SULT4A1: variants seen among roughly 807,000 people sequenced by gnomAD.
SULT4A1 encodes the protein sulfotransferase 4A1.
In SULT4A1, 11 loss-of-function variants were observed where a neutral mutation model predicts 35.2. The observed-to-expected ratio is 0.31, with a 90% confidence interval of 0.20 to 0.52. The LOEUF (loss-of-function observed/expected upper bound fraction) is 0.52, where lower values mean the gene tolerates loss of function less well. SULT4A1 is among the 20% of genes least tolerant of loss of function. The probability of loss-of-function intolerance (pLI) is 0.97; values close to 1 mark genes in which losing one functional copy is unlikely to be tolerated. For synonymous variants in SULT4A1, 152 were observed against 151.8 expected (o/e 1.00, Z -0.01); for missense variants, 271 against 383.7 (o/e 0.71, Z 2.45).
intron 6 of SULT4A1, among the ~76,000 whole-genome samples, chr22:43,828,254 T>C (rs1266565357): frequency 2.0e-5 from 3 of 152,238 alleles, no homozygotes; most frequent in African/African-American, 7.2e-5. Context: ...ATCAGGTTCA[T>C]ACTTACCAAC....
rs377182291 is a variant in SULT4A1 at position 43,826,815 on chromosome 22, CCT to C, written c.743-704_743-703del. The C allele has an allele frequency of 4.3e-5, 42 of 985,396 alleles. No homozygotes were observed. The African/African-American group carries it at 5.4e-4, about 13-fold the overall frequency. The allele number at this position is 985,396 out of a possible 1,614,324, so 61.0% of individuals were successfully genotyped here. ...AAAACATGCACTGCAGTGAGAATTC[CCT>C]GAGTCAACAATAAAATGAGTCTGGG... is the stretch of plus-strand genomic sequence containing the variant. On this transcript the variant is annotated intron_variant, in intron 6 of 6. Coordinates refer to ENST00000330884, the MANE Select transcript of SULT4A1 (RefSeq NM_014351.4).
chr22:43,838,067 C>T (rs1411619417), intron 4 of SULT4A1, among the ~76,000 whole-genome samples: 1 of 152,252 alleles, frequency 6.6e-6, no homozygotes, highest in African/African-American at 2.4e-5. Context: ...CCCAGGACCT[C>T]CCAAAGCCAT....
chr22:43,859,554 C>A (rs186412450), intron 1 of SULT4A1, among the ~76,000 whole-genome samples: 1 of 152,250 alleles, frequency 6.6e-6, no homozygotes, highest in Non-Finnish European at 1.5e-5. Context: ...CAAACCAACA[C>A]ACAGGGACAA....
At chr22:43,845,688 C>T (rs908444542) in intron 1 of SULT4A1, among the ~76,000 whole-genome samples, 1 of 152,160 alleles carries the variant, frequency 6.6e-6, no homozygotes, top group Non-Finnish European at 1.5e-5. Context: ...TGTTCCGAAC[C>T]GAGACGCACA....
intron 6 of SULT4A1, among the ~76,000 whole-genome samples, chr22:43,828,604 C>T (rs2063304371): frequency 1.3e-5 from 2 of 152,356 alleles, no homozygotes; most frequent in Non-Finnish European, 1.5e-5. Flanking sequence ...GGAAGAAAAA[C>T]GGTGTCTCCT....
At chr22:43,829,457 TA>T in intron 5 of SULT4A1, among the ~76,000 whole-genome samples, 1 of 152,346 alleles carries the variant, frequency 6.6e-6, no homozygotes, top group South Asian at 2.1e-4. Context: ...GAGGTCTTAA[TA>T]GAGGTGTGGT....
Position 43,825,794 on chromosome 22 carries a change from A to T in SULT4A1, c.*207T>A. On this transcript the variant is annotated 3_prime_UTR_variant, in exon 7 of 7. Coordinates refer to ENST00000330884, the MANE Select transcript of SULT4A1 (RefSeq NM_014351.4). Reference sequence around the variant, plus strand: ...ATGTGGAGACTGTTTGTAATCAGACATGGAGAGGCTGCACGTTCTAAAGGC... The same window carrying T: ...ATGTGGAGACTGTTTGTAATCAGACTTGGAGAGGCTGCACGTTCTAAAGGC... The T allele has an allele frequency of 1.8e-6, 1 of 554,356 alleles. No homozygotes were observed. Among genetic ancestry groups the T allele is most frequent in the Non-Finnish European group, 3.2e-6 (1 of 311,640 alleles). The allele number at this position is 554,356 out of a possible 1,614,324, so 34.3% of individuals were successfully genotyped here. A position where few individuals can be genotyped will look rare whatever the true frequency, so the allele number is the denominator to read the frequency against.
intron 1 of SULT4A1, among the ~76,000 whole-genome samples, chr22:43,859,291 C>A (rs1305751632): frequency 1.3e-5 from 2 of 152,206 alleles, no homozygotes; most frequent in African/African-American, 4.8e-5. Flanking sequence ...AATGAGCAAA[C>A]TGAGGTTCAA....
At chr22:43,847,932 A>C (rs1291561124) in intron 1 of SULT4A1, among the ~76,000 whole-genome samples, 1 of 152,222 alleles carries the variant, frequency 6.6e-6, no homozygotes, top group Non-Finnish European at 1.5e-5. Context: ...ACAGTTCTGG[A>C]GGCCAGAAGT....
chr22:43,840,957 CT>C lies in SULT4A1; in HGVS notation c.300+844del, dbSNP rs200865043. Among the ~76,000 whole-genome samples, 1,186 of 152,348 alleles carry C rather than the reference CT, an allele frequency of 7.8e-3. 9 individuals are homozygous for C. Among genetic ancestry groups the C allele is most frequent in the African/African-American group, 0.026 (1,066 of 41,566 alleles). On this transcript the variant is annotated intron_variant, in intron 2 of 6. Transcript: ENST00000330884. ...CCCAGAGGAGACTGCTGGTCCCCCC[CT>C]GATCTGCTCCCCTCCCAGCGCTGAT...
chr22:43,831,010 C>A (rs190555560), intron 5 of SULT4A1, among the ~76,000 whole-genome samples: 54 of 152,352 alleles, frequency 3.5e-4, no homozygotes, highest in Admixed American at 3.1e-3. Context: ...AGGCGAAACG[C>A]TGACTGTCCC....
chr22:43,848,691 A>G (rs1376135191), intron 1 of SULT4A1, among the ~76,000 whole-genome samples: 1 of 152,232 alleles, frequency 6.6e-6, no homozygotes, highest in Non-Finnish European at 1.5e-5. Flanking sequence ...AACAGGGGGC[A>G]TGGGGCTGTG....
intron 1 of SULT4A1, among the ~76,000 whole-genome samples, chr22:43,851,504 G>A (rs764768563): frequency 3.0e-4 from 45 of 152,276 alleles, no homozygotes; most frequent in Non-Finnish European, 5.7e-4. Flanking sequence ...GGGGTCACAC[G>A]TGCCTGGGGG....
chr22:43,836,136 T>C (rs73888225), intron 4 of SULT4A1, among the ~76,000 whole-genome samples: 33,913 of 143,240 alleles, frequency 0.24, 4,936 homozygotes, highest in African/African-American at 0.37. Flanking sequence ...AGGGAGCCTG[T>C]CTACACAGCG....
rs976626729 is a variant in SULT4A1 at position 43,827,360 on chromosome 22, C to T, written c.743-1247G>A. ...TTTCTCTTTGGTAACAAAAAATTATCAGTGTTGGAGAGAAAAACAAGAAAA... is the reference window on the plus strand; with the variant it reads ...TTTCTCTTTGGTAACAAAAAATTATTAGTGTTGGAGAGAAAAACAAGAAAA... On this transcript the variant is annotated intron_variant, in intron 6 of 6. Coordinates refer to ENST00000330884, the MANE Select transcript of SULT4A1 (RefSeq NM_014351.4). The T allele has an allele frequency of 3.0e-6, 3 of 985,280 alleles. No homozygotes were observed. The African/African-American group carries it at 5.2e-5, about 17-fold the overall frequency. 61.0% of individuals were successfully genotyped at this position (985,280 alleles called of 1,614,324 possible).
At chr22:43,848,558 A>G (rs984398153) in intron 1 of SULT4A1, among the ~76,000 whole-genome samples, 8 of 152,218 alleles carry the variant, frequency 5.3e-5, no homozygotes, top group Admixed American at 3.3e-4. Context: ...CAGGGAAACA[A>G]GGCACTGGGA....
rs954854963 is a variant in SULT4A1, at chr22:43,829,158, C to T, written c.644G>A (p.Gly215Glu). The change falls in exon 6 of 7, where the codon GGG becomes GAG. Residue 215 changes from glycine (G) to glutamate (E), a missense_variant. Around this residue, in one of 3 missense-constraint regions of SULT4A1, gnomAD observed 75 missense variants for 67.7 expected, o/e 1.11. Coordinates refer to ENST00000330884, the MANE Select transcript of SULT4A1 (RefSeq NM_014351.4). ...CAGCTGGGCCTTGTCACAGGACACC[C>T]CCAGGAATCTGGCCAGCTGCTCCAC... ...TMVEQLARFL[G>E]VSCDKAQLEA... 1.9e-6 allele frequency: 3 copies of T among 1,565,508 alleles called. No individual in the cohort carries two copies. The highest frequency in any genetic ancestry group is 2.4e-5 in the South Asian group (2 of 84,640).
chr22:43,838,801 C>T, intron 4 of SULT4A1, 66 bp downstream of exon 4: 1 of 1,602,664 alleles, frequency 6.2e-7, no homozygotes. Flanking sequence ...GCACCCAGCA[C>T]CTGCCAGGCC....
chr22:43,828,880 G>GAGCA, intron 6 of SULT4A1, 180 bp downstream of exon 6: 1 of 613,462 alleles, frequency 1.6e-6, no homozygotes, highest in South Asian at 2.5e-5. Context: ...GTCACTCCAT[G>GAGCA]AGCACTGTGC....
Sources: gnomAD v4.1 joint callset for allele counts (sites outside exome capture counted in the v4.1 genomes callset) on GRCh38, gnomAD v4.1.1 for gene constraint, gnomAD v4.1.1 regional missense constraint, MANE v1.5 for transcripts, NCBI Gene and HGNC (gene_info 2026-07-23, HGNC 2026-07-21) for gene names.